Variants in B3GAT1 observed in about 807,000 individuals in gnomAD.
B3GAT1 encodes beta-1,3-glucuronyltransferase 1, also known as galactosylgalactosylxylosylprotein 3-beta-glucuronosyltransferase 1.
Under a neutral mutation model 28.4 loss-of-function variants are expected in B3GAT1, and 11 were observed. The ratio of observed to expected loss-of-function variants is 0.39; its 90% CI spans 0.24 to 0.64. The LOEUF is 0.64. B3GAT1 is among the 30% of genes least tolerant of loss of function. The probability of loss-of-function intolerance (pLI) is 0.50; values close to 1 mark genes in which losing one functional copy is unlikely to be tolerated. For synonymous variants in B3GAT1, 255 were observed against 223.1 expected (o/e 1.14, Z -1.27); for missense variants, 375 against 491.0 (o/e 0.76, Z 2.23).
chr11:134,383,584 C>T (rs1310866000), intron 3 of B3GAT1, 96 bp downstream of exon 3: 2 of 1,414,354 alleles, frequency 1.4e-6, no homozygotes, highest in South Asian at 3.0e-5. Context: ...CCGGGTTCCC[C>T]CTGCGCGCGC....
intron 1 of B3GAT1, chr11:134,389,017 T>G (rs964165923): frequency 6.6e-6 from 1 of 152,270 alleles, no homozygotes; most frequent in Non-Finnish European, 1.5e-5. Context: ...TTTAAGTTCT[T>G]GAGAGATCTC....
rs1944321325 is a variant in B3GAT1 at position 134,387,707 on chromosome 11, A to T, written c.-48T>A. The T allele has an allele frequency of 4.3e-6, 7 of 1,611,834 alleles. No homozygotes were observed. Among genetic ancestry groups the T allele is most frequent in the Non-Finnish European group, 5.9e-6 (7 of 1,179,286 alleles). On this transcript the variant is annotated 5_prime_UTR_variant, in exon 2 of 6. It introduces an in-frame stop codon into an upstream open reading frame of the 5' UTR. Transcript: ENST00000312527. ...GGCTCCTCATTACCTGAGTGGCGGT[A>T]AGTTCAGGAGAGGGGCGGCCACGGG... is the stretch of plus-strand genomic sequence containing the variant.
chr11:134,387,347 T>C (rs1304778983), intron 2 of B3GAT1: 1 of 664,902 alleles, frequency 1.5e-6, no homozygotes, highest in East Asian at 2.8e-5. Flanking sequence ...CAACCTACCA[T>C]CCCAGGCATC....
chr11:134,390,358 G>A (rs1015218204), intron 1 of B3GAT1: 2 of 152,466 alleles, frequency 1.3e-5, no homozygotes, highest in South Asian at 2.1e-4. Context: ...ATCTGATGAA[G>A]GATGGGGAGG....
At chr11:134,389,851 T>C (rs1171568030) in intron 1 of B3GAT1, 3 of 152,262 alleles carry the variant, frequency 2.0e-5, no homozygotes, top group African/African-American at 7.2e-5. Context: ...CACCGGGTCC[T>C]CTCTCCAAAT....
intron 1 of B3GAT1, among the ~76,000 whole-genome samples, chr11:134,401,977 G>GT (rs1411040615): frequency 2.4e-5 from 3 of 122,836 alleles, no homozygotes; most frequent in Non-Finnish European, 3.6e-5. Flanking sequence ...GGGCGGGGGG[G>GT]GGCGGGCAGC....
rs918477998 is a variant in B3GAT1, at chr11:134,387,947, G to T, written c.-281-7C>A. 8.0e-7 allele frequency: 1 copy of T among 1,248,616 alleles called. No homozygotes were observed. Among genetic ancestry groups the T allele is most frequent in the Non-Finnish European group, 1.1e-6 (1 of 909,828 alleles). 77.3% of individuals were successfully genotyped at this position (1,248,616 alleles called of 1,614,324 possible). The stretch of plus-strand genomic sequence containing the variant: ...AACCCTGGGGGGTGGACACCTGCAA[G>T]AGAGAGCAGAAGCGGATAGCCAGAG... On this transcript the variant is annotated splice_region_variant and splice_polypyrimidine_tract_variant and intron_variant, in intron 1 of 5. Coordinates refer to ENST00000312527, the MANE Select transcript of B3GAT1 (RefSeq NM_054025.3).
At chr11:134,409,049 G>T (rs1944797109) in intron 1 of B3GAT1, among the ~76,000 whole-genome samples, 1 of 152,224 alleles carries the variant, frequency 6.6e-6, no homozygotes, top group Non-Finnish European at 1.5e-5. Context: ...GAAGCAAGGG[G>T]GTGAGGGTGT....
At chr11:134,387,522 C>A in intron 2 of B3GAT1, 26 bp downstream of exon 2, 1 of 1,611,818 alleles carries the variant, frequency 6.2e-7, no homozygotes, top group Non-Finnish European at 8.5e-7. Flanking sequence ...CCCAGCTGGG[C>A]AGGCAGGGCA....
At chr11:134,381,870 C>A in intron 5 of B3GAT1, 54 bp downstream of exon 5, 1 of 1,433,954 alleles carries the variant, frequency 7.0e-7, no homozygotes, top group Non-Finnish European at 9.8e-7. Context: ...GTTGATTCGG[C>A]CCAACCTGGT....
intron 1 of B3GAT1, among the ~76,000 whole-genome samples, chr11:134,396,604 C>G (rs1404935623): frequency 6.6e-6 from 1 of 151,846 alleles, no homozygotes; most frequent in African/African-American, 2.4e-5. Flanking sequence ...GCTCCTACCA[C>G]TAGGCTGTCA....
intron 1 of B3GAT1, chr11:134,390,476 T>C (rs147611298): frequency 6.6e-6 from 1 of 152,392 alleles, no homozygotes; most frequent in Non-Finnish European, 1.5e-5. Context: ...CAGGTTCTAA[T>C]ACCAGGATGG....
chr11:134,404,127 A>G (rs1003855330), intron 1 of B3GAT1, among the ~76,000 whole-genome samples: 4 of 150,388 alleles, frequency 2.7e-5, no homozygotes, highest in African/African-American at 7.4e-5. Context: ...CCATTAACTC[A>G]TCATTTAGCA....
rs1944218260 is a variant in B3GAT1, at chr11:134,384,186, C to T, written c.115G>A (p.Glu39Lys). The T allele has an allele frequency of 6.5e-7, 1 of 1,534,932 alleles. No homozygotes were observed. The change falls in exon 3 of 6, where the codon GAG becomes AAG. Residue 39 changes from glutamate to lysine, a missense_variant and splice_region_variant. Transcript: ENST00000312527. ...LAPLLAVHKDEGSDPRRETPP... is the reference protein window; with the variant it reads ...LAPLLAVHKDKGSDPRRETPP... ...GTTTCGCGTCGGGGGTCACTGCCCT[C>T]ATCTGCGGAGTCGGGAGACCGGCGA...
intron 2 of B3GAT1, chr11:134,387,171 T>TACCAAAACCA (rs993628814): frequency 9.6e-6 from 2 of 208,088 alleles, no homozygotes; most frequent in African/African-American, 4.6e-5. Flanking sequence ...CTTTCCTTCC[T>TACCAAAACCA]ACCAAAACCA....
At chr11:134,404,117 C>T (rs11821814) in intron 1 of B3GAT1, among the ~76,000 whole-genome samples, 33,115 of 147,284 alleles carry the variant, frequency 0.22, 4,197 homozygotes, top group African/African-American at 0.34. Context: ...TGTGCTGCAC[C>T]CATTAACTCA....
At position 134,411,136 on chromosome 11, in the gene B3GAT1, A is replaced by G. The variant is rs1440073173; in HGVS notation, c.-282+671T>C. Among the ~76,000 whole-genome samples the G allele has an allele frequency of 6.6e-6, 1 of 151,864 alleles. No individual in the cohort carries two copies. The highest frequency in any genetic ancestry group is 1.9e-4 in the East Asian group (1 of 5,166). ...GTCGGACCTGGTGGCTTCCTTCTCT[A>G]TTTCCTGCCTCAACTCTCAGCCTCC... On this transcript the variant is annotated intron_variant, in intron 1 of 5. Transcript: ENST00000312527. The surrounding 1 kb of genome is among the most constrained non-coding windows in gnomAD (Gnocchi z 6.0).
Position 134,411,818 on chromosome 11 carries a change from A to T in B3GAT1, c.-293T>A, listed in dbSNP as rs1288469556. 1 of 151,356 alleles carries T rather than the reference A, an allele frequency of 6.6e-6. No individual in the cohort carries two copies. The highest frequency in any genetic ancestry group is 2.0e-4 in the East Asian group (1 of 5,016). The allele number at this position is 151,356 out of a possible 1,614,324, so 9.4% of individuals were successfully genotyped here. On this transcript the variant is annotated 5_prime_UTR_variant, in exon 1 of 6. Coordinates refer to ENST00000312527, the MANE Select transcript of B3GAT1 (RefSeq NM_054025.3). The surrounding 1 kb of genome is among the most constrained non-coding windows in gnomAD (Gnocchi z 6.0). ...CGGGGAGCACTGACCTGCGGCGACG[A>T]GTCCGGAGCGTCTCCGGTGCGGTCC...
intron 2 of B3GAT1, chr11:134,386,933 C>T (rs571678153): frequency 1.3e-5 from 2 of 153,434 alleles, no homozygotes; most frequent in South Asian, 2.1e-4. Flanking sequence ...TGCCTGCAAA[C>T]ACACTTTTCA....
Sources: allele counts gnomAD v4.1 joint callset (sites outside exome capture counted in the v4.1 genomes callset), GRCh38; gene constraint gnomAD v4.1.1; non-coding constraint Gnocchi (gnomAD v3.1); transcripts MANE v1.5; gene names NCBI Gene and HGNC (gene_info 2026-07-23, HGNC 2026-07-21).